ST6GAL2: variants seen among roughly 807,000 people sequenced by gnomAD.
ST6GAL2 encodes beta-galactoside alpha-2,6-sialyltransferase 2.
A neutral mutation model predicts 37.5 loss-of-function variants in ST6GAL2; 24 were observed. The observed-to-expected ratio is 0.64, with a 90% CI of 0.46 to 0.90. The LOEUF (loss-of-function observed/expected upper bound fraction) is 0.90, where lower values mean the gene tolerates loss of function less well. ST6GAL2 is among the 40% of genes least tolerant of loss of function. The probability of loss-of-function intolerance (pLI) is 0.00; values close to 1 mark genes in which losing one functional copy is unlikely to be tolerated. For missense variants in ST6GAL2, 715 were observed against 712.7 expected, an observed-to-expected ratio of 1.00 and a Z score of -0.04; for synonymous variants, 306 against 295.1, an observed-to-expected ratio of 1.04 and a Z score of -0.38.
chr2:106,818,339 C>T (rs1243064929), intron 5 of ST6GAL2, among the ~76,000 whole-genome samples: 1 of 152,148 alleles, frequency 6.6e-6, no homozygotes, highest in Non-Finnish European at 1.5e-5. Context: ...TGCTTTTGTC[C>T]CCCCTTCCCC....
At chr2:106,865,773 G>A (rs1479920930) in intron 1 of ST6GAL2, among the ~76,000 whole-genome samples, 1 of 152,184 alleles carries the variant, frequency 6.6e-6, no homozygotes, top group African/African-American at 2.4e-5. Flanking sequence ...ACACTTAAAG[G>A]GATGTGGGAC....
intron 1 of ST6GAL2, among the ~76,000 whole-genome samples, chr2:106,874,596 T>C (rs1264301758): frequency 6.6e-6 from 1 of 152,148 alleles, no homozygotes; most frequent in Non-Finnish European, 1.5e-5. Flanking sequence ...GGCAAGAGTG[T>C]ATGGAGACAT....
At chr2:106,829,206 C>T (rs904723239) in intron 5 of ST6GAL2, among the ~76,000 whole-genome samples, 3 of 152,194 alleles carry the variant, frequency 2.0e-5, no homozygotes, top group African/African-American at 2.4e-5. Flanking sequence ...CCTCAAGAGG[C>T]GGGGGTCTAT....
chr2:106,813,351 A>G (rs979057274), intron 5 of ST6GAL2: 7 of 572,124 alleles, frequency 1.2e-5, no homozygotes, highest in Non-Finnish European at 1.8e-5. Context: ...TTATCAAACC[A>G]TTTAAAAAGC....
chr2:106,867,445 A>G (rs944100590), intron 1 of ST6GAL2, among the ~76,000 whole-genome samples: 1 of 151,928 alleles, frequency 6.6e-6, no homozygotes, highest in African/African-American at 2.4e-5. Flanking sequence ...TTCTCCATTC[A>G]TTGAACAAGT....
chr2:106,814,260 T>A (rs1393440173), intron 5 of ST6GAL2, among the ~76,000 whole-genome samples: 1 of 152,180 alleles, frequency 6.6e-6, no homozygotes, highest in Non-Finnish European at 1.5e-5. Flanking sequence ...TTTGACACGA[T>A]CCTAAATATA....
chr2:106,883,865 G>A (rs553750073), intron 1 of ST6GAL2, among the ~76,000 whole-genome samples: 33 of 152,248 alleles, frequency 2.2e-4, no homozygotes, highest in Non-Finnish European at 4.7e-4. Flanking sequence ...CACCCATGAG[G>A]TAGCAATCTG....
At chr2:106,851,670 CTTTT>C (rs5833214) in intron 1 of ST6GAL2, among the ~76,000 whole-genome samples, 2 of 135,844 alleles carry the variant, frequency 1.5e-5, no homozygotes, top group Non-Finnish European at 1.6e-5. Flanking sequence ...GTTTTTCTTT[CTTTT>C]TTTTTTTTTT....
rs1470759588 is a variant in ST6GAL2 at position 106,843,627 on chromosome 2, C to T, written c.351G>A (p.Gly117=). 3 of 1,613,836 alleles carry T rather than the reference C, an allele frequency of 1.9e-6. No homozygotes were observed. The highest frequency in any genetic ancestry group is 2.7e-5 in the African/African-American group (2 of 74,952). Residue 117 remains glycine, a synonymous_variant, in exon 2 of 6, where the codon GGG becomes GGA. Coordinates refer to ENST00000409382, the MANE Select transcript of ST6GAL2 (RefSeq NM_001142351.2). ...GGTAGAAAGCACTTTGAGATTTTCT[C>T]CCCACCTGGGATGAAAAAAACTCTT... ...EHKEFFSSQV[G]RKSQSAFYPE... is the part of the protein sequence containing the mutation.
At chr2:106,824,405 G>T (rs1364090070) in intron 5 of ST6GAL2, among the ~76,000 whole-genome samples, 6 of 152,208 alleles carry the variant, frequency 3.9e-5, no homozygotes, top group African/African-American at 7.2e-5. Context: ...GGCCAAGGTA[G>T]GCTGTTCAGG....
chr2:106,804,291 A>C lies in ST6GAL2; in HGVS notation c.*2387T>G, dbSNP rs1055800778. The C allele has an allele frequency of 1.3e-5, 2 of 152,208 alleles. No homozygotes were observed. The highest frequency in any genetic ancestry group is 4.8e-5 in the African/African-American group (2 of 41,458). The allele number at this position is 152,208 out of a possible 1,614,324, so 9.4% of individuals were successfully genotyped here. On this transcript the variant is annotated 3_prime_UTR_variant, in exon 6 of 6. Transcript: ENST00000409382. ...CTTGAATATTTACACTGACCCCAAT[A>C]AATTCTCCTCTAACCAAGTTCTCAT...
intron 3 of ST6GAL2, among the ~76,000 whole-genome samples, chr2:106,833,162 T>C (rs1404423847): frequency 6.6e-6 from 1 of 151,464 alleles, no homozygotes; most frequent in Non-Finnish European, 1.5e-5. Context: ...AAAAACAACA[T>C]ATTATTTTCC....
At chr2:106,875,184 T>C (rs1678452462) in intron 1 of ST6GAL2, among the ~76,000 whole-genome samples, 1 of 151,396 alleles carries the variant, frequency 6.6e-6, no homozygotes. Context: ...CTTTTTTTTT[T>C]TTTTTTGAAA....
At chr2:106,884,909 A>ATATATATATATATG (rs1255011009) in intron 1 of ST6GAL2, among the ~76,000 whole-genome samples, 25 of 92,756 alleles carry the variant, frequency 2.7e-4, no homozygotes, top group Non-Finnish European at 3.7e-4. Flanking sequence ...TGCAGCGCAT[A>ATATATATATATATG]TATATATATA....
chr2:106,852,437 G>GGGCTTCCGGATA (rs1364496925), intron 1 of ST6GAL2, among the ~76,000 whole-genome samples: 1 of 152,200 alleles, frequency 6.6e-6, no homozygotes, highest in Non-Finnish European at 1.5e-5. Flanking sequence ...ACTGGCGGCT[G>GGGCTTCCGGATA]GGCTTCCGGA....
In ST6GAL2 at chr2:106,806,903, T is replaced by G. The variant is rs1157872116; in HGVS notation, c.1365A>C (p.Glu455Asp). Residue 455 changes from glutamate to aspartate, a missense_variant, in exon 6 of 6, where the codon GAA becomes GAC. Transcript: ENST00000409382. ...CCGTCTGCCGCACGGATGGGATATATTCATACACGTGCACCTCTCTGCACA... is the reference window on the plus strand; with the variant it reads ...CCGTCTGCCGCACGGATGGGATATAGTCATACACGTGCACCTCTCTGCACA... ...MSMCREVHVY[E>D]YIPSVRQTEL... 1.9e-6 allele frequency: 3 copies of G among 1,613,988 alleles called. No individual in the cohort carries two copies. The highest frequency in any genetic ancestry group is 2.5e-6 in the Non-Finnish European group (3 of 1,180,024).
chr2:106,875,437 CA>C (rs939270011), intron 1 of ST6GAL2, among the ~76,000 whole-genome samples: 1 of 152,170 alleles, frequency 6.6e-6, no homozygotes, highest in Non-Finnish European at 1.5e-5. Flanking sequence ...TTTGTCCTCC[CA>C]AAGTGCTGGG....
In ST6GAL2 at chr2:106,830,234, T is replaced by A; in HGVS notation, c.1150A>T (p.Lys384Ter). The change falls in exon 5 of 6, where the codon AAA becomes TAA. Residue 384 changes from lysine to a stop codon, truncating the protein, a stop_gained. Coordinates refer to ENST00000409382, the MANE Select transcript of ST6GAL2 (RefSeq NM_001142351.2). LOFTEE classifies it high-confidence loss of function. ...PYSANLNLWY[K>*]KPDYNLFTPY... ...GTGAACAGGTTGTAATCCGGTTTTT[T>A]GTACCACTAAGGAAAAAAAAATCAA... 6.2e-7 allele frequency: 1 copy of A among 1,609,592 alleles called. No individual in the cohort carries two copies.
intron 1 of ST6GAL2, among the ~76,000 whole-genome samples, chr2:106,879,544 A>G (rs1573328549): frequency 6.6e-6 from 1 of 152,028 alleles, no homozygotes; most frequent in African/African-American, 2.4e-5. Flanking sequence ...CATCAGGCAG[A>G]AGAATGTTTT....
Sources: gnomAD v4.1 joint callset for allele counts (sites outside exome capture counted in the v4.1 genomes callset) on GRCh38, gnomAD v4.1.1 for gene constraint, MANE v1.5 for transcripts, NCBI Gene and HGNC (gene_info 2026-07-23, HGNC 2026-07-21) for gene names.